Variants in DPH6 observed in about 807,000 individuals in gnomAD.
DPH6 encodes the protein diphthamine biosynthesis 6, also known as diphthine--ammonia ligase.
Under a neutral mutation model 38.2 loss-of-function variants are expected in DPH6, and 33 were observed. The ratio of observed to expected loss-of-function variants is 0.86; its 90% CI spans 0.65 to 1.15. The LOEUF (loss-of-function observed/expected upper bound fraction) is 1.15, where lower values mean the gene tolerates loss of function less well. DPH6 is among the 50% of genes most tolerant of loss of function. The pLI, the probability that DPH6 is intolerant of heterozygous loss-of-function variation, is 0.00. For synonymous variants in DPH6, 108 were observed against 103.0 expected, an observed-to-expected ratio of 1.05 and a Z score of -0.30; for missense variants, 325 against 320.0, an observed-to-expected ratio of 1.02 and a Z score of -0.12.
chr15:35,340,289 T>C (rs1252457292), intron 3 of DPH6, among the ~76,000 whole-genome samples: 1 of 152,178 alleles, frequency 6.6e-6, no homozygotes, highest in Non-Finnish European at 1.5e-5. Flanking sequence ...GCGAGATGGA[T>C]CTCTTGAAGA....
At chr15:35,323,488 G>T (rs775292871) in intron 3 of DPH6, among the ~76,000 whole-genome samples, 3 of 152,114 alleles carry the variant, frequency 2.0e-5, no homozygotes, top group Non-Finnish European at 4.4e-5. Flanking sequence ...AACAGTAGAG[G>T]TGACTTTGTC....
At chr15:35,475,803 G>A (rs1015196844) in intron 3 of DPH6, among the ~76,000 whole-genome samples, 36 of 151,438 alleles carry the variant, frequency 2.4e-4, no homozygotes, top group Admixed American at 1.8e-3. Flanking sequence ...AAGAGTGGCC[G>A]AGCAAAGATA....
the DPH6 span, among the ~76,000 whole-genome samples, chr15:35,182,182 A>G: frequency 6.7e-6 from 1 of 150,068 alleles, no homozygotes; most frequent in Non-Finnish European, 1.5e-5. Flanking sequence ...ATAATAACAT[A>G]AGAAAATAAT....
At chr15:35,404,387 T>C (rs2053262736) in intron 6 of DPH6, among the ~76,000 whole-genome samples, 1 of 152,082 alleles carries the variant, frequency 6.6e-6, no homozygotes. Context: ...CTCATCAATA[T>C]TTATTGCCTA....
downstream of DPH6, among the ~76,000 whole-genome samples, chr15:35,212,922 T>C (rs1009920431): frequency 1.3e-5 from 2 of 152,238 alleles, no homozygotes; most frequent in African/African-American, 4.8e-5. Context: ...AAGAAGATTA[T>C]TCAAAATTAA....
chr15:35,420,554 T>C (rs1234477211), intron 5 of DPH6, among the ~76,000 whole-genome samples: 2 of 152,212 alleles, frequency 1.3e-5, no homozygotes, highest in East Asian at 3.8e-4. Flanking sequence ...TCTCGCTCTG[T>C]TGCCCGGGCT....
At chr15:35,424,287 A>G (rs923233725) in intron 5 of DPH6, among the ~76,000 whole-genome samples, 2 of 151,544 alleles carry the variant, frequency 1.3e-5, no homozygotes, top group Non-Finnish European at 3.0e-5. Flanking sequence ...CTTGGTTAAG[A>G]TTATTCCTAA....
chr15:35,263,375 G>T (rs909302282), intron 3 of DPH6, among the ~76,000 whole-genome samples: 3 of 136,356 alleles, frequency 2.2e-5, no homozygotes, highest in Non-Finnish European at 4.7e-5. Context: ...AATATAACAA[G>T]AAAACATTTT....
At chr15:35,433,427 C>T (rs1316579994) in intron 5 of DPH6, among the ~76,000 whole-genome samples, 1 of 152,150 alleles carries the variant, frequency 6.6e-6, no homozygotes, top group Non-Finnish European at 1.5e-5. Flanking sequence ...TTAAAATTCC[C>T]TTGAAGACAT....
At chr15:35,242,168 G>A (rs181211661) in intron 3 of DPH6, among the ~76,000 whole-genome samples, 4,908 of 144,030 alleles carry the variant, frequency 0.034, 577 homozygotes, top group African/African-American at 0.12. Context: ...CATTACTTCA[G>A]TCAAGCCCAA....
chr15:35,541,105 C>A (rs1668138304), intron 2 of DPH6, among the ~76,000 whole-genome samples: 1 of 152,064 alleles, frequency 6.6e-6, no homozygotes, highest in Admixed American at 6.6e-5. Flanking sequence ...TTCTAAAAAA[C>A]CATCTGTTAC....
At chr15:35,513,780 A>G (rs899150863) in intron 3 of DPH6, among the ~76,000 whole-genome samples, 1 of 151,978 alleles carries the variant, frequency 6.6e-6, no homozygotes, top group Admixed American at 6.6e-5. Context: ...TAATTAAAGC[A>G]TATCTTTAAG....
At chr15:35,254,166 T>A (rs1015923196) in intron 3 of DPH6, among the ~76,000 whole-genome samples, 1 of 152,222 alleles carries the variant, frequency 6.6e-6, no homozygotes, top group Non-Finnish European at 1.5e-5. Flanking sequence ...CAAATGGGAC[T>A]GCACAAAGAA....
At chr15:35,298,782 G>T in intron 3 of DPH6, 1 of 1,271,122 alleles carries the variant, frequency 7.9e-7, no homozygotes, top group Non-Finnish European at 1.2e-6. Flanking sequence ...CGCTGGGCCG[G>T]GTTGGAGATC....
At chr15:35,441,744 G>A (rs77811192) in intron 5 of DPH6, among the ~76,000 whole-genome samples, 3,775 of 152,038 alleles carry the variant, frequency 0.025, 152 homozygotes, top group African/African-American at 0.085. Context: ...AACCACCATG[G>A]TACATGTATA....
intron 3 of DPH6, among the ~76,000 whole-genome samples, chr15:35,230,161 G>A (rs1285281291): frequency 6.6e-6 from 1 of 152,150 alleles, no homozygotes; most frequent in Non-Finnish European, 1.5e-5. Flanking sequence ...GGGAGCCAGG[G>A]ACTACTGTCA....
chr15:35,472,077 G>A (rs1040730399), intron 3 of DPH6, among the ~76,000 whole-genome samples: 6 of 152,214 alleles, frequency 3.9e-5, no homozygotes, highest in African/African-American at 1.4e-4. Context: ...GCAACATAGC[G>A]AGTCCTTATC....
rs6145522 is a variant in DPH6, at chr15:35,543,259, AATATATATATATATATATATATATAT to A, written c.24-778_24-753del. On this transcript the variant is annotated intron_variant, in intron 1 of 8. Coordinates refer to ENST00000256538, the MANE Select transcript of DPH6 (RefSeq NM_080650.4). ...ATACATATAGTACACACATACACATAATATATATATATATATATATATATATATATATATATATATATATGATGGCA... is the reference window on the plus strand; with the variant it reads ...ATACATATAGTACACACATACACATAATATATATATATATATATGATGGCA... 5.6e-3 allele frequency among the ~76,000 whole-genome samples: 644 copies of A among 114,118 alleles called. 19 individuals are homozygous for A. The highest frequency in any genetic ancestry group is 0.025 in the African/African-American group (618 of 24,300). 74.9% of individuals were successfully genotyped at this position (114,118 alleles called of 152,430 possible). A position where few individuals can be genotyped will look rare whatever the true frequency, so the allele number is the denominator to read the frequency against.
In DPH6 at chr15:35,481,333, T is replaced by C. The variant is rs185090604; in HGVS notation, c.313-26513A>G. ...TCTGTCAAAAACTCTACTGGACAAG[T>C]AACCTGTTTTATTGAAAAAGGATTT... On this transcript the variant is annotated intron_variant, in intron 3 of 8. Transcript: ENST00000256538. 4.8e-3 allele frequency among the ~76,000 whole-genome samples: 733 copies of C among 152,224 alleles called. 8 individuals carry two copies. The highest frequency in any genetic ancestry group is 0.017 in the African/African-American group (698 of 41,534).
Sources: allele counts gnomAD v4.1 joint callset (sites outside exome capture counted in the v4.1 genomes callset), GRCh38; gene constraint gnomAD v4.1.1; transcripts MANE v1.5; gene names NCBI Gene and HGNC (gene_info 2026-07-23, HGNC 2026-07-21).